KCNIP4: variants seen among roughly 807,000 people sequenced by gnomAD.
KCNIP4 encodes Kv channel-interacting protein 4.
A neutral mutation model predicts 34.0 loss-of-function variants in KCNIP4; 12 were observed. That is an observed-to-expected ratio of 0.35 (90% confidence interval 0.23 to 0.57). The LOEUF (loss-of-function observed/expected upper bound fraction) is 0.57, where lower values mean the gene tolerates loss of function less well. KCNIP4 is among the 20% of genes least tolerant of loss of function. The probability of loss-of-function intolerance (pLI) is 0.83; values close to 1 mark genes in which losing one functional copy is unlikely to be tolerated. For synonymous variants in KCNIP4, 124 were observed against 102.2 expected (o/e 1.21, Z -1.29); for missense variants, 238 against 311.7 (o/e 0.76, Z 1.78).
intron 2 of KCNIP4, among the ~76,000 whole-genome samples, chr4:20,858,497 T>C (rs1721853165): frequency 1.3e-5 from 2 of 152,180 alleles, no homozygotes; most frequent in African/African-American, 2.4e-5. Context: ...GTTTGCACAA[T>C]GAGTGCTGGG....
intron 1 of KCNIP4, among the ~76,000 whole-genome samples, chr4:21,246,265 C>A (rs1215721215): frequency 6.6e-6 from 1 of 152,202 alleles, no homozygotes. Context: ...AAGTTCTCTA[C>A]TTTAAAACCA....
At chr4:20,783,150 A>T (rs1333699132) in intron 3 of KCNIP4, among the ~76,000 whole-genome samples, 1 of 152,184 alleles carries the variant, frequency 6.6e-6, no homozygotes, top group African/African-American at 2.4e-5. Flanking sequence ...CTTATTGTCC[A>T]TATCACTATT....
At chr4:21,715,996 T>G (rs1054487332) in intron 1 of KCNIP4, among the ~76,000 whole-genome samples, 2 of 152,130 alleles carry the variant, frequency 1.3e-5, no homozygotes, top group Non-Finnish European at 2.9e-5. Context: ...AAGATCAACA[T>G]TAAAGTGGAA....
At chr4:21,449,973 GC>G (rs1420344734) in intron 1 of KCNIP4, among the ~76,000 whole-genome samples, 1 of 151,904 alleles carries the variant, frequency 6.6e-6, no homozygotes, top group Non-Finnish European at 1.5e-5. Context: ...TTACTCATTA[GC>G]CCCAGGATCT....
chr4:21,772,098 T>C (rs1002363163), intron 1 of KCNIP4, among the ~76,000 whole-genome samples: 1 of 152,314 alleles, frequency 6.6e-6, no homozygotes, highest in African/African-American at 2.4e-5. Flanking sequence ...ATATGTTCCA[T>C]TGATACCTAA....
At chr4:20,958,082 A>T (rs761502984) in intron 1 of KCNIP4, among the ~76,000 whole-genome samples, 13 of 152,210 alleles carry the variant, frequency 8.5e-5, no homozygotes, top group South Asian at 2.1e-4. Context: ...CTTGATATGA[A>T]TTGCTACTAC....
At chr4:21,453,602 T>A (rs1236953605) in intron 1 of KCNIP4, among the ~76,000 whole-genome samples, 1 of 151,998 alleles carries the variant, frequency 6.6e-6, no homozygotes, top group African/African-American at 2.4e-5. Context: ...CACTCAAGCC[T>A]CATCACAGAG....
At chr4:20,870,376 A>G (rs112242021) in intron 2 of KCNIP4, among the ~76,000 whole-genome samples, 3,411 of 152,178 alleles carry the variant, frequency 0.022, 116 homozygotes, top group African/African-American at 0.077. Context: ...TCACCCGTCC[A>G]TCATGATTGT....
At chr4:21,270,438 T>C (rs1762073710) in intron 1 of KCNIP4, among the ~76,000 whole-genome samples, 1 of 152,168 alleles carries the variant, frequency 6.6e-6, no homozygotes, top group African/African-American at 2.4e-5. Context: ...GTTAAGATGA[T>C]AGAACACCTA....
intron 1 of KCNIP4, among the ~76,000 whole-genome samples, chr4:21,151,988 C>A (rs1184900493): frequency 6.6e-6 from 1 of 152,188 alleles, no homozygotes; most frequent in African/African-American, 2.4e-5. Flanking sequence ...TGCGGTGGCT[C>A]ATGCCTATAA....
chr4:21,196,961 C>T (rs1756099637), intron 1 of KCNIP4, among the ~76,000 whole-genome samples: 1 of 152,128 alleles, frequency 6.6e-6, no homozygotes, highest in Non-Finnish European at 1.5e-5. Flanking sequence ...AATCTCTGCA[C>T]CTTCTATGGG....
At chr4:20,870,992 T>A (rs114671538) in intron 2 of KCNIP4, among the ~76,000 whole-genome samples, 3,557 of 152,246 alleles carry the variant, frequency 0.023, 134 homozygotes, top group African/African-American at 0.08. Context: ...GATGGCTTTG[T>A]ATATCAATGA....
At chr4:21,222,270 T>C (rs922252215) in intron 1 of KCNIP4, among the ~76,000 whole-genome samples, 6 of 151,762 alleles carry the variant, frequency 4.0e-5, no homozygotes, top group African/African-American at 1.5e-4. Context: ...GAGAGCAGGA[T>C]GTTCAGTAAA....
chr4:21,419,690 GGA>G (rs1247303597), intron 1 of KCNIP4, among the ~76,000 whole-genome samples: 2 of 152,054 alleles, frequency 1.3e-5, no homozygotes, highest in Non-Finnish European at 2.9e-5. Flanking sequence ...GGAAAAGTAA[GGA>G]GAGGGAGGAA....
At chr4:21,523,941 A>G (rs1735755894) in intron 1 of KCNIP4, among the ~76,000 whole-genome samples, 1 of 152,056 alleles carries the variant, frequency 6.6e-6, no homozygotes, top group Non-Finnish European at 1.5e-5. Context: ...TGGATAATGT[A>G]TTTCTTCCTT....
chr4:21,157,880 G>A (rs1012062642), intron 1 of KCNIP4, among the ~76,000 whole-genome samples: 4 of 151,692 alleles, frequency 2.6e-5, no homozygotes, highest in African/African-American at 9.7e-5. Context: ...AAAAATAAAT[G>A]AAACCAAAAT....
intron 1 of KCNIP4, among the ~76,000 whole-genome samples, chr4:21,071,469 A>G (rs1001667942): frequency 2.0e-5 from 3 of 152,086 alleles, no homozygotes; most frequent in African/African-American, 4.8e-5. Flanking sequence ...GCCATACCAC[A>G]CAGGACTATT....
chr4:21,370,675 T>C (rs557898893), intron 1 of KCNIP4, among the ~76,000 whole-genome samples: 5 of 140,108 alleles, frequency 3.6e-5, no homozygotes, highest in Non-Finnish European at 7.4e-5. Context: ...TCTGAAGCGC[T>C]GAGAGTGAGC....
chr4:21,266,704 C>A (rs981253153), intron 1 of KCNIP4, among the ~76,000 whole-genome samples: 1 of 152,184 alleles, frequency 6.6e-6, no homozygotes, highest in African/African-American at 2.4e-5. Flanking sequence ...TAATTATAAA[C>A]CTACAAGTAC....
Sources: gnomAD v4.1 joint callset for allele counts (sites outside exome capture counted in the v4.1 genomes callset) on GRCh38, gnomAD v4.1.1 for gene constraint, MANE v1.5 for transcripts, NCBI Gene and HGNC (gene_info 2026-07-23, HGNC 2026-07-21) for gene names.